The following SNX27 variants were observed in gnomAD, a reference collection of about 807,000 sequenced individuals.
The protein encoded by SNX27 is sorting nexin 27.
Under a neutral mutation model 71.6 loss-of-function variants are expected in SNX27, and 22 were observed. The ratio of observed to expected loss-of-function variants is 0.31; its 90% CI spans 0.22 to 0.44. The LOEUF (loss-of-function observed/expected upper bound fraction) is 0.44, where lower values mean the gene tolerates loss of function less well. Ranked by LOEUF, SNX27 falls within the 20% of genes least tolerant of loss-of-function variation. The probability of loss-of-function intolerance (pLI) is 1.00; values close to 1 mark genes in which losing one functional copy is unlikely to be tolerated. For missense variants in SNX27, 531 were observed against 698.6 expected (o/e 0.76, Z 2.70); for synonymous variants, 269 against 277.2 (o/e 0.97, Z 0.29).
In SNX27 at chr1:151,639,037, T is replaced by G. The variant is rs767997014; in HGVS notation, c.461T>G (p.Phe154Cys). ...AGTGACGACTCGTTGGGACAATCATTTTATGATTACACAGAAAAGCAAGCA... is the reference window on the plus strand; with the variant it reads ...AGTGACGACTCGTTGGGACAATCATGTTATGATTACACAGAAAAGCAAGCA... The part of the protein sequence containing the change: ...DPSDDSLGQS[F>C]YDYTEKQAVP... Residue 154 changes from phenylalanine (F) to cysteine (C), a missense_variant, in exon 2 of 12, where the codon TTT (phenylalanine) becomes TGT (cysteine). Phe to Cys is a radical substitution (Grantham distance 205). This residue lies in a region of SNX27 where 47 missense variants were observed against 41.4 expected (regional missense o/e 1.13). Transcript: ENST00000458013. 2.5e-6 allele frequency: 4 copies of G among 1,614,128 alleles called. No homozygotes were observed. The highest frequency in any genetic ancestry group is 3.4e-6 in the Non-Finnish European group (4 of 1,180,028).
intron 2 of SNX27, among the ~76,000 whole-genome samples, chr1:151,644,258 A>C (rs540842303): frequency 2.6e-5 from 4 of 152,288 alleles, no homozygotes; most frequent in African/African-American, 7.2e-5. Context: ...TCATCACCTC[A>C]AAAAGAATCT....
rs953986958 is a variant in SNX27 at position 151,641,478 on chromosome 1, T to G, written c.543+2359T>G. On this transcript the variant is annotated intron_variant, in intron 2 of 11. Transcript: ENST00000458013. ...TGCTTTTTGTGTGCTTAATGGGCAT[T>G]CATGTGTCTTCATTGATGAAGTAGC... Among the ~76,000 whole-genome samples the G allele has an allele frequency of 2.6e-5, 4 of 151,474 alleles. No individual in the cohort carries two copies. In the South Asian group the frequency reaches 8.3e-4, roughly 32 times the overall value.
At chr1:151,631,542 T>C (rs1415554669) in intron 1 of SNX27, among the ~76,000 whole-genome samples, 1 of 152,254 alleles carries the variant, frequency 6.6e-6, no homozygotes, top group African/African-American at 2.4e-5. Context: ...ATAGTTTTCA[T>C]AAATATTTTT....
Position 151,692,432 on chromosome 1 carries a change from T to TTTTAAA in SNX27, c.1240-3_1240-2insTTTAAA. 1 of 1,452,072 alleles carries TTTTAAA rather than the reference T, an allele frequency of 6.9e-7. No homozygotes were observed. The highest frequency in any genetic ancestry group is 9.1e-7 in the Non-Finnish European group (1 of 1,101,930). 89.9% of individuals were successfully genotyped at this position (1,452,072 alleles called of 1,614,324 possible). A position where few individuals can be genotyped will look rare whatever the true frequency, so the allele number is the denominator to read the frequency against. ...TTTTTTTTTTTTTTTTTTTTTTTTTTAGTACCTCAACATGCTAAGGACTTG... is the reference window on the plus strand; with the variant it reads ...TTTTTTTTTTTTTTTTTTTTTTTTTTTTTAAAAGTACCTCAACATGCTAAGGACTTG... On this transcript the variant is annotated splice_polypyrimidine_tract_variant and splice_region_variant and intron_variant, in intron 8 of 11. Transcript: ENST00000458013.
At chr1:151,619,606 TG>T (rs1667581335) in intron 1 of SNX27, among the ~76,000 whole-genome samples, 1 of 152,124 alleles carries the variant, frequency 6.6e-6, no homozygotes, top group South Asian at 2.1e-4. Context: ...GGGCCCACTC[TG>T]GTATTTTTTA....
intron 1 of SNX27, among the ~76,000 whole-genome samples, chr1:151,627,861 T>C (rs562517395): frequency 1.3e-5 from 2 of 152,326 alleles, no homozygotes; most frequent in African/African-American, 4.8e-5. Context: ...CATCCTTATC[T>C]TCTCCACAGG....
At chr1:151,684,030 A>G (rs1269917845) in intron 8 of SNX27, among the ~76,000 whole-genome samples, 1 of 152,194 alleles carries the variant, frequency 6.6e-6, no homozygotes, top group African/African-American at 2.4e-5. Context: ...AAGTTGTGTA[A>G]AACATTACAA....
intron 7 of SNX27, chr1:151,677,857 TC>T (rs1558069740): frequency 6.6e-6 from 1 of 152,254 alleles, no homozygotes; most frequent in Non-Finnish European, 1.5e-5. Flanking sequence ...TTCTGAACTT[TC>T]CTATTGCCTC....
intron 7 of SNX27, among the ~76,000 whole-genome samples, chr1:151,672,290 G>T (rs1289057304): frequency 1.3e-5 from 2 of 152,138 alleles, no homozygotes; most frequent in Non-Finnish European, 1.5e-5. Flanking sequence ...TTGATATGCT[G>T]TGTCACATTG....
rs1194839746 is a variant in SNX27, at chr1:151,658,597, A to T, written c.736+170A>T. Among the ~76,000 whole-genome samples the T allele has an allele frequency of 5.9e-5, 9 of 152,246 alleles. 1 individual carries two copies. The highest frequency in any genetic ancestry group is 2.2e-4 in the African/African-American group (9 of 41,470). On this transcript the variant is annotated intron_variant, in intron 3 of 11. Transcript: ENST00000458013. ...AAGGCAAAACTGAAATGTCCAGTAC[A>T]GTGATCAGTAGCCTGTTTCATTGGT...
At chr1:151,614,520 C>T (rs1327268398) in intron 1 of SNX27, 2 of 152,274 alleles carry the variant, frequency 1.3e-5, no homozygotes, top group South Asian at 2.1e-4. Context: ...ACGGGTTTCA[C>T]CATGTTGGCC....
chr1:151,680,086 TAAG>T (rs1172683419), intron 7 of SNX27: 1 of 152,012 alleles, frequency 6.6e-6, no homozygotes, highest in African/African-American at 2.4e-5. Flanking sequence ...TAAAAAAATT[TAAG>T]AAGAAAAGGA....
At chr1:151,691,616 A>G (rs1282185426) in intron 8 of SNX27, among the ~76,000 whole-genome samples, 1 of 151,538 alleles carries the variant, frequency 6.6e-6, no homozygotes, top group African/African-American at 2.4e-5. Flanking sequence ...AATTACAGGC[A>G]TGTGCCACCA....
intron 2 of SNX27, among the ~76,000 whole-genome samples, chr1:151,651,451 G>A (rs1297747083): frequency 7.2e-5 from 11 of 151,816 alleles, no homozygotes; most frequent in Non-Finnish European, 1.3e-4. Flanking sequence ...CAGATGGGGC[G>A]GCTGCCGGGC....
chr1:151,618,033 CT>C (rs555481981), intron 1 of SNX27, among the ~76,000 whole-genome samples: 322 of 136,940 alleles, frequency 2.4e-3, no homozygotes, highest in East Asian at 6.1e-3. Context: ...TTTTTTTGTA[CT>C]TTTTTTTTTT....
At chr1:151,665,307 T>C (rs765844252) in intron 5 of SNX27, among the ~76,000 whole-genome samples, 1 of 152,212 alleles carries the variant, frequency 6.6e-6, no homozygotes, top group African/African-American at 2.4e-5. Flanking sequence ...TTGTTTAATA[T>C]GCCTTTATTG....
At chr1:151,615,648 A>G (rs373848551) in intron 1 of SNX27, 1 of 976,186 alleles carries the variant, frequency 1.0e-6, no homozygotes, top group Non-Finnish European at 1.2e-6. Flanking sequence ...GTGGATTATC[A>G]TTGTGTGGAT....
chr1:151,656,399 T>C (rs1669694567), intron 2 of SNX27, among the ~76,000 whole-genome samples: 1 of 152,138 alleles, frequency 6.6e-6, no homozygotes, highest in Non-Finnish European at 1.5e-5. Flanking sequence ...TTACAAAAAA[T>C]GACACTCACA....
At chr1:151,670,414 C>T (rs1670411312) in intron 7 of SNX27, among the ~76,000 whole-genome samples, 1 of 152,164 alleles carries the variant, frequency 6.6e-6, no homozygotes, top group African/African-American at 2.4e-5. Flanking sequence ...ATATACCCAG[C>T]AGTGGGATTG....
Sources: gnomAD v4.1 joint callset for allele counts (sites outside exome capture counted in the v4.1 genomes callset) on GRCh38, gnomAD v4.1.1 for gene constraint, gnomAD v4.1.1 regional missense constraint, MANE v1.5 for transcripts, NCBI Gene and HGNC (gene_info 2026-07-23, HGNC 2026-07-21) for gene names.